The following SPART variants were observed in gnomAD, a reference collection of about 807,000 sequenced individuals.
SPART encodes spartin, also known as spastic paraplegia 20 (Troyer syndrome).
SPART carries 35 observed loss-of-function variants against 58.7 expected under a neutral mutation model. The ratio of observed to expected loss-of-function variants is 0.60; its 90% CI spans 0.46 to 0.79. The LOEUF is 0.79. Ranked by LOEUF, SPART falls within the 30% of genes least tolerant of loss-of-function variation. The pLI is 0.00. For missense variants in SPART, 730 were observed against 786.1 expected (o/e 0.93, Z 0.85); for synonymous variants, 284 against 280.7 (o/e 1.01, Z -0.12).
At chr13:36,319,587 T>C (rs368948228) in intron 5 of SPART, among the ~76,000 whole-genome samples, 4 of 151,652 alleles carry the variant, frequency 2.6e-5, no homozygotes, top group South Asian at 2.1e-4. Context: ...AGGATCTGCA[T>C]CTTATCAACC....
At chr13:36,343,523 G>A (rs1228358081) in intron 1 of SPART, among the ~76,000 whole-genome samples, 3 of 152,068 alleles carry the variant, frequency 2.0e-5, no homozygotes, top group African/African-American at 7.2e-5. Flanking sequence ...TTCAACTAAC[G>A]CATGATGTAA....
chr13:36,361,551 C>T (rs1251952243), intron 1 of SPART, among the ~76,000 whole-genome samples: 2 of 151,990 alleles, frequency 1.3e-5, no homozygotes, highest in Non-Finnish European at 2.9e-5. Context: ...ATTACAGGTG[C>T]CCACCACCAC....
chr13:36,332,321 AC>A (rs1490316030), intron 2 of SPART, among the ~76,000 whole-genome samples: 12 of 152,040 alleles, frequency 7.9e-5, no homozygotes, highest in Non-Finnish European at 1.6e-4. Context: ...ACATGGTGAA[AC>A]CCCCATCTCT....
At chr13:36,306,278 G>A (rs1880500785) in intron 8 of SPART, among the ~76,000 whole-genome samples, 1 of 152,166 alleles carries the variant, frequency 6.6e-6, no homozygotes, top group Non-Finnish European at 1.5e-5. Flanking sequence ...CACCATTGCT[G>A]ATGGTGCCTT....
upstream of SPART, among the ~76,000 whole-genome samples, chr13:36,347,064 AACATAC>A (rs1185181981): frequency 6.6e-6 from 1 of 152,174 alleles, no homozygotes; most frequent in Non-Finnish European, 1.5e-5. Context: ...AATCAAGATG[AACATAC>A]TTTACCCTTC....
intron 8 of SPART, among the ~76,000 whole-genome samples, chr13:36,309,271 A>G (rs1351087850): frequency 3.3e-5 from 5 of 152,082 alleles, no homozygotes; most frequent in African/African-American, 1.2e-4. Flanking sequence ...TGACACTCCA[A>G]AATGATATGC....
intron 1 of SPART, among the ~76,000 whole-genome samples, chr13:36,338,430 A>G (rs937097078): frequency 6.6e-6 from 1 of 152,182 alleles, no homozygotes; most frequent in Non-Finnish European, 1.5e-5. Flanking sequence ...CACTTACGTC[A>G]CATCAAGAAC....
intron 1 of SPART, chr13:36,365,918 C>T (rs951124227): frequency 1.2e-4 from 23 of 194,542 alleles, no homozygotes; most frequent in South Asian, 9.8e-4. Flanking sequence ...ATTCAACCCT[C>T]AAAATGTCTT....
chr13:36,345,941 G>T (rs1885064542), intron 1 of SPART, among the ~76,000 whole-genome samples: 1 of 152,148 alleles, frequency 6.6e-6, no homozygotes, highest in Non-Finnish European at 1.5e-5. Flanking sequence ...GAGCGGGAAG[G>T]ATTCCCTCCA....
chr13:36,309,200 C>T (rs186314574), intron 8 of SPART, among the ~76,000 whole-genome samples: 45 of 150,076 alleles, frequency 3.0e-4, no homozygotes, highest in African/African-American at 1.0e-3. Context: ...GCCAAGATTG[C>T]GCCACTGCAC....
intron 1 of SPART, among the ~76,000 whole-genome samples, chr13:36,341,043 T>A (rs1884532871): frequency 6.6e-6 from 1 of 152,188 alleles, no homozygotes; most frequent in Non-Finnish European, 1.5e-5. Flanking sequence ...TAAAACTTCA[T>A]CTTTCTCACT....
At chr13:36,357,776 C>G (rs1444288970) in intron 1 of SPART, among the ~76,000 whole-genome samples, 1 of 152,128 alleles carries the variant, frequency 6.6e-6, no homozygotes, top group Non-Finnish European at 1.5e-5. Context: ...GACACTAGCC[C>G]TTCATGAATA....
intron 4 of SPART, among the ~76,000 whole-genome samples, chr13:36,327,495 TA>T (rs919989591): frequency 2.0e-5 from 3 of 152,208 alleles, no homozygotes; most frequent in African/African-American, 7.2e-5. Flanking sequence ...TTGATTTTTT[TA>T]GAACAAGAAA....
chr13:36,329,000 G>A (rs1187549577), intron 4 of SPART, among the ~76,000 whole-genome samples: 2 of 152,106 alleles, frequency 1.3e-5, no homozygotes, highest in African/African-American at 2.4e-5. Context: ...CTCGTGGAGC[G>A]TGAGGCAGGA....
chr13:36,314,979 A>G (rs545851494), intron 5 of SPART, among the ~76,000 whole-genome samples: 6 of 152,318 alleles, frequency 3.9e-5, no homozygotes, highest in African/African-American at 1.4e-4. Context: ...CCTAAACCCA[A>G]ACTCTTGGAT....
intron 5 of SPART, among the ~76,000 whole-genome samples, chr13:36,325,094 G>A (rs998340243): frequency 8.5e-5 from 13 of 152,286 alleles, no homozygotes; most frequent in Non-Finnish European, 1.5e-4. Context: ...AAGTCACCGC[G>A]GATGTGATGG....
intron 1 of SPART, among the ~76,000 whole-genome samples, chr13:36,341,011 A>G (rs909092104): frequency 6.6e-6 from 1 of 152,236 alleles, no homozygotes; most frequent in Non-Finnish European, 1.5e-5. Flanking sequence ...GTTTATGTGC[A>G]TGCGACAAAG....
At chr13:36,316,567 G>A (rs1326967301) in intron 5 of SPART, among the ~76,000 whole-genome samples, 1 of 151,856 alleles carries the variant, frequency 6.6e-6, no homozygotes, top group East Asian at 1.9e-4. Context: ...TGAGCACCTT[G>A]CGACCCCCAC....
chr13:36,361,814 A>G (rs1202025865), intron 1 of SPART, among the ~76,000 whole-genome samples: 3 of 152,242 alleles, frequency 2.0e-5, no homozygotes, highest in Admixed American at 6.5e-5. Flanking sequence ...TTCTTATAGT[A>G]AGAAAGCTAT....
Sources: allele counts gnomAD v4.1 joint callset (sites outside exome capture counted in the v4.1 genomes callset), GRCh38; gene constraint gnomAD v4.1.1; transcripts MANE v1.5; gene names NCBI Gene and HGNC (gene_info 2026-07-23, HGNC 2026-07-21).